Variants in MEGF6 observed in about 807,000 individuals in gnomAD.
MEGF6 encodes multiple EGF like domains 6, also known as multiple epidermal growth factor-like domains protein 6.
MEGF6 carries 184 observed loss-of-function variants against 207.1 expected under a neutral mutation model. The ratio of observed to expected loss-of-function variants is 0.89; its 90% CI spans 0.79 to 1.00. The LOEUF (loss-of-function observed/expected upper bound fraction) is 1.00. Among genes scored for constraint, MEGF6 ranks in the 50% least tolerant of loss-of-function variants. MEGF6 has a pLI of 0.00. For synonymous variants in MEGF6, 1,038 were observed against 910.0 expected (o/e 1.14, Z -2.53); for missense variants, 2,282 against 2,202.9 (o/e 1.04, Z -0.72).
Position 3,505,288 on chromosome 1 carries a change from A to G in MEGF6, c.2108T>C (p.Val703Ala), listed in dbSNP as rs776526702. ...GCTCACGGAGTCACAGGCCACGCCC[A>G]CTGGGCAGGTGCATGCCTGCCAGCA... Reference protein sequence around the residue: ...PGCWQACTCPVGVACDSVSGE... With the variant: ...PGCWQACTCPAGVACDSVSGE... Residue 703 changes from valine (V) to alanine (A), a missense_variant, in exon 17 of 37, where the codon GTG becomes GCG. Transcript: ENST00000356575. 1 of 1,612,254 alleles carries G rather than the reference A, an allele frequency of 6.2e-7. No individual in the cohort carries two copies. The highest frequency in any genetic ancestry group is 1.7e-5 in the Admixed American group (1 of 59,972).
chr1:3,590,751 G>T (rs527963116), intron 3 of MEGF6, among the ~76,000 whole-genome samples: 70 of 150,364 alleles, frequency 4.7e-4, no homozygotes, highest in Admixed American at 4.6e-3. Context: ...GGGGCTGGAG[G>T]GTGATGGAGA....
chr1:3,505,657 T>C lies in MEGF6; in HGVS notation c.1919-101A>G, dbSNP rs1641087802. 3 of 1,404,752 alleles carry C rather than the reference T, an allele frequency of 2.1e-6. No homozygotes were observed. In the East Asian group the frequency reaches 7.6e-5, roughly 35 times the overall value. The allele number at this position is 1,404,752 out of a possible 1,614,324, so 87.0% of individuals were successfully genotyped here. A position where few individuals can be genotyped will look rare whatever the true frequency, so the allele number is the denominator to read the frequency against. On this transcript the variant is annotated intron_variant, in intron 15 of 36. Transcript: ENST00000356575. Reference sequence around the variant, plus strand: ...TCAGCCAGGACGACAGCCAAGATCATGTAGGGAGCTGTCCTCCTCCACCTC... The same window carrying C: ...TCAGCCAGGACGACAGCCAAGATCACGTAGGGAGCTGTCCTCCTCCACCTC...
intron 27 of MEGF6, 29 bp from the exon 28 acceptor site, chr1:3,497,148 G>A: frequency 6.5e-7 from 1 of 1,547,868 alleles, no homozygotes. Context: ...GGTCGGTCCT[G>A]GCCCAGCCCC....
At chr1:3,511,751 T>C (rs1641354275) in intron 8 of MEGF6, 64 bp from the exon 9 acceptor site, 1 of 1,564,460 alleles carries the variant, frequency 6.4e-7, no homozygotes, top group Non-Finnish European at 8.7e-7. Context: ...CCTACCTTAG[T>C]TACCCCTACC....
At chr1:3,511,526 C>A in intron 9 of MEGF6, 24 bp downstream of exon 9, 1 of 1,589,596 alleles carries the variant, frequency 6.3e-7, no homozygotes, top group Non-Finnish European at 8.6e-7. Flanking sequence ...GGGGTGCAGG[C>A]ATCTGGGAGG....
intron 14 of MEGF6, among the ~76,000 whole-genome samples, 180 bp from the exon 15 acceptor site, chr1:3,506,416 C>A (rs1641121164): frequency 6.6e-6 from 1 of 152,194 alleles, no homozygotes; most frequent in Non-Finnish European, 1.5e-5. Flanking sequence ...CTGTCCCCTA[C>A]ATCCCCTGCC....
intron 4 of MEGF6, among the ~76,000 whole-genome samples, chr1:3,536,732 T>C (rs1570085530): frequency 6.6e-6 from 1 of 152,106 alleles, no homozygotes; most frequent in Non-Finnish European, 1.5e-5. Context: ...GCTTCTCCCC[T>C]CTCCAAGCTG....
At position 3,489,703 on chromosome 1, in the gene MEGF6, C is replaced by T. The variant is rs564261593; in HGVS notation, c.*825G>A. On this transcript the variant is annotated 3_prime_UTR_variant, in exon 37 of 37. Transcript: ENST00000356575. ...GGGCCATTCTCTGGGAACAGCCAGT[C>T]TCTGGGTCTCAGCGGTAATGAATGC... Among the ~76,000 whole-genome samples, 136 of 152,344 alleles carry T rather than the reference C, an allele frequency of 8.9e-4. 1 individual carries two copies. The highest frequency in any genetic ancestry group is 4.7e-3 in the Admixed American group (72 of 15,308).
intron 27 of MEGF6, 57 bp from the exon 28 acceptor site, chr1:3,497,176 C>G (rs1640645707): frequency 1.9e-6 from 3 of 1,539,094 alleles, no homozygotes; most frequent in African/African-American, 1.4e-5. Context: ...AACAGGCAGC[C>G]TCTCTGGATT....
At chr1:3,490,863 C>T in intron 36 of MEGF6, 49 bp downstream of exon 36, 2 of 1,553,678 alleles carry the variant, frequency 1.3e-6, no homozygotes, top group Non-Finnish European at 1.7e-6. Flanking sequence ...TTGACTTTGC[C>T]ATAACCCACC....
At position 3,491,775 on chromosome 1, in the gene MEGF6, T is replaced by TGG. The variant is rs533521909; in HGVS notation, c.4517-818_4517-817dup. Among the ~76,000 whole-genome samples, 573 of 63,210 alleles carry TGG rather than the reference T, an allele frequency of 9.1e-3. 6 individuals carry two copies. Among genetic ancestry groups the TGG allele is most frequent in the Non-Finnish European group, 0.011 (269 of 23,682 alleles). 41.5% of individuals were successfully genotyped at this position (63,210 alleles called of 152,430 possible). On this transcript the variant is annotated intron_variant, in intron 35 of 36. Coordinates refer to ENST00000356575, the MANE Select transcript of MEGF6 (RefSeq NM_001409.4). The stretch of plus-strand genomic sequence containing the variant: ...CGCTGGGGGGTACACGGTGCGGGGG[T>TGG]GGGGGGGGGGGTGCGGGCAGCAAAG...
At chr1:3,596,657 C>A (rs1416773052) in intron 2 of MEGF6, among the ~76,000 whole-genome samples, 6 of 119,908 alleles carry the variant, frequency 5.0e-5, no homozygotes, top group African/African-American at 2.0e-4. Flanking sequence ...CCCCAGGGCA[C>A]CCTGCGCCAT....
intron 1 of MEGF6, among the ~76,000 whole-genome samples, chr1:3,607,311 G>A (rs909322642): frequency 2.0e-5 from 3 of 151,806 alleles, no homozygotes; most frequent in Non-Finnish European, 4.4e-5. Context: ...TGCGCCCTAT[G>A]TCTCCCCAAT....
chr1:3,550,288 G>T (rs989768358), intron 4 of MEGF6, among the ~76,000 whole-genome samples: 1 of 152,210 alleles, frequency 6.6e-6, no homozygotes, highest in African/African-American at 2.4e-5. Flanking sequence ...GTGCCCACCA[G>T]CGGGTGATGA....
chr1:3,500,096 G>A (rs968581609), intron 21 of MEGF6, among the ~76,000 whole-genome samples, 172 bp from the exon 22 acceptor site: 2 of 152,222 alleles, frequency 1.3e-5, no homozygotes, highest in African/African-American at 4.8e-5. Flanking sequence ...CCACCCAGGT[G>A]GGGCCATGGG....
chr1:3,601,533 G>T (rs188574817), intron 2 of MEGF6, among the ~76,000 whole-genome samples: 275 of 152,244 alleles, frequency 1.8e-3, no homozygotes, highest in African/African-American at 6.3e-3. Flanking sequence ...GTACTGGGCC[G>T]GGTCGTCTGT....
intron 2 of MEGF6, among the ~76,000 whole-genome samples, chr1:3,598,531 G>A (rs75773605): frequency 0.018 from 2,706 of 152,236 alleles, 87 homozygotes; most frequent in African/African-American, 0.062. Context: ...CAGCAGTGCC[G>A]GGCTACGTGC....
the MEGF6 span, among the ~76,000 whole-genome samples, chr1:3,620,971 C>T: frequency 6.6e-6 from 1 of 152,166 alleles, no homozygotes; most frequent in Non-Finnish European, 1.5e-5. Flanking sequence ...AGACAGCTTA[C>T]GCCATTATTT....
At chr1:3,527,409 G>A (rs147999943) in intron 4 of MEGF6, among the ~76,000 whole-genome samples, 151 of 152,306 alleles carry the variant, frequency 9.9e-4, no homozygotes, top group African/African-American at 3.5e-3. Context: ...TCTCTGCCTG[G>A]GACCTCCAGG....
Sources: gnomAD v4.1 joint callset for allele counts (sites outside exome capture counted in the v4.1 genomes callset) on GRCh38, gnomAD v4.1.1 for gene constraint, MANE v1.5 for transcripts, NCBI Gene and HGNC (gene_info 2026-07-23, HGNC 2026-07-21) for gene names.